Variants in FHIT observed in about 807,000 individuals in gnomAD.
FHIT encodes the protein bis(5'-adenosyl)-triphosphatase.
FHIT carries 19 observed loss-of-function variants against 17.9 expected under a neutral mutation model. The ratio of observed to expected loss-of-function variants is 1.06; its 90% CI spans 0.74 to 1.56. FHIT has a LOEUF of 1.56. FHIT is among the 40% of genes most tolerant of loss of function. The pLI is 0.00. For synonymous variants in FHIT, 81 were observed against 69.7 expected, an observed-to-expected ratio of 1.16 and a Z score of -0.81; for missense variants, 248 against 189.2, an observed-to-expected ratio of 1.31 and a Z score of -1.82.
chr3:60,198,570 A>T (rs1372972593), intron 5 of FHIT, among the ~76,000 whole-genome samples: 1 of 152,066 alleles, frequency 6.6e-6, no homozygotes, highest in Non-Finnish European at 1.5e-5. Flanking sequence ...TTCCAGGGAG[A>T]CTGCCTGAAC....
intron 5 of FHIT, among the ~76,000 whole-genome samples, chr3:60,269,877 G>T (rs1706776554): frequency 6.6e-6 from 1 of 152,160 alleles, no homozygotes. Flanking sequence ...AAAAAATGGG[G>T]AGTTACACCC....
chr3:60,537,617 G>A (rs540728136), intron 4 of FHIT: 11 of 192,410 alleles, frequency 5.7e-5, no homozygotes, highest in Admixed American at 2.6e-4. Flanking sequence ...AAGCAGCAAG[G>A]TACCTGAAAT....
chr3:60,251,635 T>C (rs1705716529), intron 5 of FHIT, among the ~76,000 whole-genome samples: 1 of 152,102 alleles, frequency 6.6e-6, no homozygotes, highest in African/African-American at 2.4e-5. Flanking sequence ...CCATGCATGT[T>C]GTGTGTGTGT....
intron 7 of FHIT, among the ~76,000 whole-genome samples, chr3:59,981,644 C>T (rs1004038570): frequency 2.0e-5 from 3 of 152,060 alleles, no homozygotes; most frequent in Non-Finnish European, 4.4e-5. Flanking sequence ...CCACGGTGCC[C>T]GCACATTAAC....
intron 3 of FHIT, among the ~76,000 whole-genome samples, chr3:61,002,420 G>A (rs1013520006): frequency 3.3e-5 from 5 of 152,154 alleles, no homozygotes; most frequent in Middle Eastern, 3.4e-3. Context: ...GTGCCAACAT[G>A]CCAGGCCAGT....
intron 3 of FHIT, among the ~76,000 whole-genome samples, chr3:60,884,011 A>C (rs539543899): frequency 6.6e-6 from 1 of 152,328 alleles, no homozygotes; most frequent in African/African-American, 2.4e-5. Flanking sequence ...CAAACAACTC[A>C]ATAGCAGAAA....
At chr3:60,679,463 C>T (rs1553696230) in intron 4 of FHIT, among the ~76,000 whole-genome samples, 1 of 151,992 alleles carries the variant, frequency 6.6e-6, no homozygotes, top group African/African-American at 2.4e-5. Context: ...TATATATTTG[C>T]CTTCTTTTTT....
At chr3:60,365,515 T>C (rs899417254) in intron 5 of FHIT, among the ~76,000 whole-genome samples, 5 of 152,210 alleles carry the variant, frequency 3.3e-5, no homozygotes, top group Non-Finnish European at 5.9e-5. Flanking sequence ...GCCTAATGAC[T>C]CATTAAAACA....
chr3:61,120,430 T>C (rs1437115654), intron 2 of FHIT, among the ~76,000 whole-genome samples: 1 of 152,218 alleles, frequency 6.6e-6, no homozygotes, highest in Non-Finnish European at 1.5e-5. Context: ...AACATTATAT[T>C]TGAATACTGA....
At chr3:60,772,338 A>T (rs1299896770) in intron 4 of FHIT, among the ~76,000 whole-genome samples, 1 of 37,172 alleles carries the variant, frequency 2.7e-5, no homozygotes. Context: ...ATATATATAT[A>T]TATATATATA....
intron 5 of FHIT, among the ~76,000 whole-genome samples, chr3:60,479,714 CG>C (rs1299207676): frequency 2.0e-5 from 3 of 152,082 alleles, no homozygotes; most frequent in African/African-American, 7.2e-5. Flanking sequence ...AGATCAGAGT[CG>C]GTATTAGATT....
chr3:60,030,718 G>T (rs1248641262), intron 5 of FHIT, among the ~76,000 whole-genome samples: 1 of 152,114 alleles, frequency 6.6e-6, no homozygotes, highest in African/African-American at 2.4e-5. Context: ...GTGGGTCAAT[G>T]GATGGATGGA....
intron 1 of FHIT, among the ~76,000 whole-genome samples, chr3:61,247,937 A>G (rs2040525504): frequency 6.6e-6 from 1 of 152,198 alleles, no homozygotes; most frequent in South Asian, 2.1e-4. Context: ...CCTGTCTAAA[A>G]GGCACAGCTG....
At chr3:60,470,180 G>A (rs2033018551) in intron 5 of FHIT, among the ~76,000 whole-genome samples, 1 of 151,958 alleles carries the variant, frequency 6.6e-6, no homozygotes, top group African/African-American at 2.4e-5. Context: ...CTAACACTGG[G>A]TCTCACCCAA....
At chr3:60,058,130 GTTTT>G (rs71089573) in intron 5 of FHIT, among the ~76,000 whole-genome samples, 1,361 of 66,366 alleles carry the variant, frequency 0.021, 25 homozygotes, top group African/African-American at 0.074. Context: ...ACAGAGTTGT[GTTTT>G]TTTTTTTTTT....
chr3:61,019,138 T>A (rs1229608045), intron 3 of FHIT, among the ~76,000 whole-genome samples: 2 of 152,242 alleles, frequency 1.3e-5, no homozygotes, highest in African/African-American at 4.8e-5. Flanking sequence ...GTGCTTATTT[T>A]TAAATCTATC....
chr3:60,385,663 T>C (rs1429758211), intron 5 of FHIT, among the ~76,000 whole-genome samples: 1 of 152,200 alleles, frequency 6.6e-6, no homozygotes, highest in Non-Finnish European at 1.5e-5. Flanking sequence ...TACTGCAGCC[T>C]TGATCTCCCA....
intron 5 of FHIT, among the ~76,000 whole-genome samples, chr3:60,402,394 C>A (rs888108766): frequency 6.6e-6 from 1 of 152,290 alleles, no homozygotes; most frequent in South Asian, 2.1e-4. Context: ...ATTTTCCCAA[C>A]TTTTTGGGCC....
intron 5 of FHIT, among the ~76,000 whole-genome samples, chr3:60,045,561 A>G (rs1701619533): frequency 6.6e-6 from 1 of 152,128 alleles, no homozygotes; most frequent in African/African-American, 2.4e-5. Flanking sequence ...CAGCCAAACA[A>G]TATCAAATGA....
Sources: allele counts gnomAD v4.1 joint callset (sites outside exome capture counted in the v4.1 genomes callset), GRCh38; gene constraint gnomAD v4.1.1; transcripts MANE v1.5; gene names NCBI Gene and HGNC (gene_info 2026-07-23, HGNC 2026-07-21).